The following LAMB1 variants were observed in gnomAD, a reference collection of about 807,000 sequenced individuals.
LAMB1 encodes the protein laminin subunit beta 1, also known as laminin subunit beta-1.
Under a neutral mutation model 222.3 loss-of-function variants are expected in LAMB1, and 121 were observed. That is an observed-to-expected ratio of 0.54 (90% CI 0.47 to 0.63). LAMB1 has a LOEUF of 0.63. Among genes scored for constraint, LAMB1 ranks in the 30% least tolerant of loss-of-function variants. LAMB1 has a pLI of 0.00. For synonymous variants in LAMB1, 794 were observed against 807.2 expected (o/e 0.98, Z 0.28); for missense variants, 2,172 against 2,240.8 (o/e 0.97, Z 0.62).
intron 24 of LAMB1, among the ~76,000 whole-genome samples, chr7:107,947,787 A>C (rs2116380736): frequency 6.6e-6 from 1 of 152,244 alleles, no homozygotes; most frequent in African/African-American, 2.4e-5. Context: ...GCACTGTGGG[A>C]CATTTATTAT....
Position 107,929,554 on chromosome 7 carries a change from T to C in LAMB1, c.4603A>G (p.Ser1535Gly), listed in dbSNP as rs1237882285. 7 of 1,613,986 alleles carry C rather than the reference T, an allele frequency of 4.3e-6. No individual in the cohort carries two copies. In the African/African-American group the frequency reaches 6.7e-5, roughly 15 times the overall value. Residue 1535 changes from serine (S) to glycine (G), a missense_variant, in exon 30 of 34, where the codon AGC (serine) becomes GGC (glycine). Transcript: ENST00000222399. ...ANEVLKMEMPSTPQQLQNLTE... is the reference protein window; with the variant it reads ...ANEVLKMEMPGTPQQLQNLTE... Reference sequence around the variant, plus strand: ...AAGTTCTGTAACTGCTGTGGGGTGCTAGGCATCTCCATTTTCAATACTTCA... The same window carrying C: ...AAGTTCTGTAACTGCTGTGGGGTGCCAGGCATCTCCATTTTCAATACTTCA...
At chr7:107,965,306 A>G (rs762621620) in intron 13 of LAMB1, among the ~76,000 whole-genome samples, 13 of 152,224 alleles carry the variant, frequency 8.5e-5, no homozygotes, top group South Asian at 2.1e-4. Flanking sequence ...GCGGCTGGGC[A>G]CGGTGGCTCA....
intron 24 of LAMB1, among the ~76,000 whole-genome samples, chr7:107,950,494 G>T (rs73412527): frequency 0.073 from 11,187 of 152,204 alleles, 1,396 homozygotes; most frequent in African/African-American, 0.26. Flanking sequence ...AAGCAATCCT[G>T]ATGATTCACA....
chr7:107,968,206 T>A (rs905855860), intron 13 of LAMB1, among the ~76,000 whole-genome samples: 6 of 152,184 alleles, frequency 3.9e-5, no homozygotes, highest in African/African-American at 1.4e-4. Context: ...TTCACAGTGA[T>A]ACCAATGATT....
chr7:107,932,902 C>T (rs138828264), intron 27 of LAMB1, among the ~76,000 whole-genome samples: 2 of 152,130 alleles, frequency 1.3e-5, no homozygotes, highest in Non-Finnish European at 2.9e-5. Flanking sequence ...CAGATGCAGT[C>T]ACTATGAAAG....
chr7:108,003,051 C>A (rs1336389215), intron 1 of LAMB1, 60 bp downstream of exon 1: 1 of 1,414,386 alleles, frequency 7.1e-7, no homozygotes, highest in South Asian at 1.5e-5. Flanking sequence ...GTCGCTCCCA[C>A]GGAAGCGGGG....
intron 20 of LAMB1, 90 bp from the exon 21 acceptor site, chr7:107,955,720 C>A: frequency 8.3e-7 from 1 of 1,206,602 alleles, no homozygotes; most frequent in African/African-American, 1.5e-5. Context: ...TCTGTTTGGG[C>A]ACACTCTTCT....
chr7:107,953,713 G>T lies in LAMB1; in HGVS notation c.2896C>A (p.Pro966Thr), dbSNP rs748512722. ...TGACACGACCCCCCAACTTCTGATGGATTGCCAAAGTATCCTGAGGCACAG... is the reference window on the plus strand; with the variant it reads ...TGACACGACCCCCCAACTTCTGATGTATTGCCAAAGTATCCTGAGGCACAG... Reference protein sequence around the residue: ...DDCASGYFGNPSEVGGSCQPC... With the variant: ...DDCASGYFGNTSEVGGSCQPC... The change falls in exon 22 of 34, where the codon CCA becomes ACA. Residue 966 changes from proline to threonine, a missense_variant. Pro to Thr is a conservative substitution (Grantham distance 38, BLOSUM62 -1). Coordinates refer to ENST00000222399, the MANE Select transcript of LAMB1 (RefSeq NM_002291.3). The T allele has an allele frequency of 1.2e-6, 2 of 1,614,152 alleles. No homozygotes were observed. The highest frequency in any genetic ancestry group is 2.2e-5 in the East Asian group (1 of 44,876).
At chr7:107,985,416 G>T (rs1251937323) in intron 7 of LAMB1, among the ~76,000 whole-genome samples, 3 of 152,038 alleles carry the variant, frequency 2.0e-5, no homozygotes, top group Non-Finnish European at 4.4e-5. Context: ...CTGAGGTCAG[G>T]AGTTCGAGAC....
Position 107,965,759 on chromosome 7 carries a change from A to C in LAMB1, c.1563-1072T>G, listed in dbSNP as rs138165961. Among the ~76,000 whole-genome samples the C allele has an allele frequency of 4.0e-3, 604 of 152,212 alleles. 9 individuals are homozygous for C. The highest frequency in any genetic ancestry group is 0.02 in the East Asian group (104 of 5,182). ...CCCAAAGTTTTAAACAAGGTACCTA[A>C]GGCAAGTTGCAACTCACAGGAACAC... On this transcript the variant is annotated intron_variant, in intron 13 of 33. Transcript: ENST00000222399.
intron 31 of LAMB1, 23 bp downstream of exon 31, chr7:107,929,041 A>G: frequency 6.2e-7 from 1 of 1,610,356 alleles, no homozygotes; most frequent in Non-Finnish European, 8.5e-7. Context: ...GTTCCCATTC[A>G]TGTAATGATT....
Position 107,960,576 on chromosome 7 carries a change from T to C in LAMB1, c.2183A>G (p.Asn728Ser), listed in dbSNP as rs779971471. 1.2e-5 allele frequency: 20 copies of C among 1,614,112 alleles called. No individual in the cohort carries two copies. The highest frequency in any genetic ancestry group is 1.7e-5 in the Non-Finnish European group (20 of 1,180,030). Residue 728 changes from asparagine to serine, a missense_variant, in exon 18 of 34, where the codon AAC becomes AGC. Coordinates refer to ENST00000222399, the MANE Select transcript of LAMB1 (RefSeq NM_002291.3). ...TCTCTGAAAGGTTTCCCAGGCACTGTTGGTGACCACCCCATCTCCTGAACC... is the reference window on the plus strand; with the variant it reads ...TCTCTGAAAGGTTTCCCAGGCACTGCTGGTGACCACCCCATCTCCTGAACC... ...VGGSGDGVVT[N>S]SAWETFQRYR...
intron 13 of LAMB1, among the ~76,000 whole-genome samples, chr7:107,966,820 C>G (rs1331115263): frequency 1.3e-5 from 2 of 152,200 alleles, no homozygotes; most frequent in Non-Finnish European, 2.9e-5. Flanking sequence ...CTATCTGCAG[C>G]ACAATTCTAA....
chr7:107,990,941 A>G (rs1584537858), intron 5 of LAMB1, among the ~76,000 whole-genome samples: 1 of 152,210 alleles, frequency 6.6e-6, no homozygotes, highest in Non-Finnish European at 1.5e-5. Context: ...TGCTTCATCA[A>G]TGCTGACATC....
At chr7:107,995,510 C>T (rs7801420) in intron 4 of LAMB1, among the ~76,000 whole-genome samples, 2,052 of 152,324 alleles carry the variant, frequency 0.013, 42 homozygotes, top group African/African-American at 0.047. Flanking sequence ...ATGGGGAAAC[C>T]TTTGGATGCA....
In LAMB1 at chr7:108,001,672, G is replaced by A; in HGVS notation, c.99C>T (p.Gly33=). Residue 33 remains glycine, a synonymous_variant, in exon 3 of 34, where the codon GGC becomes GGT. Coordinates refer to ENST00000222399, the MANE Select transcript of LAMB1 (RefSeq NM_002291.3). ...GGTCGCCCGTGGCGGGATAGCAGCTGCCTTCTGCGCAGCCGTAGCTGAACT... is the reference window on the plus strand; with the variant it reads ...GGTCGCCCGTGGCGGGATAGCAGCTACCTTCTGCGCAGCCGTAGCTGAACT... ...EPEFSYGCAE[G]SCYPATGDLL... is the part of the protein sequence containing the mutation. 1 of 1,612,348 alleles carries A rather than the reference G, an allele frequency of 6.2e-7. No individual in the cohort carries two copies. Among genetic ancestry groups the A allele is most frequent in the Non-Finnish European group, 8.5e-7 (1 of 1,179,698 alleles).
At position 107,959,675 on chromosome 7, in the gene LAMB1, C is replaced by T. The variant is rs2033454175; in HGVS notation, c.2458+16G>A. 2 of 1,614,188 alleles carry T rather than the reference C, an allele frequency of 1.2e-6. No homozygotes were observed. The highest frequency in any genetic ancestry group is 1.7e-6 in the Non-Finnish European group (2 of 1,180,040). ...TAATCTGAATGAATGCATAACAATGCTTTTGAGGAACCTACGTTTGCATCC... is the reference window on the plus strand; with the variant it reads ...TAATCTGAATGAATGCATAACAATGTTTTTGAGGAACCTACGTTTGCATCC... On this transcript the variant is annotated intron_variant, in intron 19 of 33. Transcript: ENST00000222399.
intron 7 of LAMB1, among the ~76,000 whole-genome samples, chr7:107,983,876 A>C (rs982254990): frequency 1.3e-5 from 2 of 152,102 alleles, no homozygotes; most frequent in South Asian, 4.1e-4. Context: ...ATTGTGTAAT[A>C]AGAGCAGTTG....
intron 12 of LAMB1, among the ~76,000 whole-genome samples, chr7:107,973,928 G>A (rs1051588448): frequency 3.3e-5 from 5 of 152,126 alleles, no homozygotes; most frequent in African/African-American, 1.2e-4. Context: ...TTACAGGTGT[G>A]AGCCATTGTG....
Sources: gnomAD v4.1 joint callset for allele counts (sites outside exome capture counted in the v4.1 genomes callset) on GRCh38, gnomAD v4.1.1 for gene constraint, MANE v1.5 for transcripts, NCBI Gene and HGNC (gene_info 2026-07-23, HGNC 2026-07-21) for gene names.